Variants in ABCA9 observed in about 807,000 individuals in gnomAD.
The protein encoded by ABCA9 is ATP binding cassette subfamily A member 9, also known as ATP-binding cassette sub-family A member 9.
Under a neutral mutation model 205.3 loss-of-function variants are expected in ABCA9, and 183 were observed. That is an observed-to-expected ratio of 0.89 (90% CI 0.79 to 1.01). The LOEUF (loss-of-function observed/expected upper bound fraction) is 1.01, where lower values mean the gene tolerates loss of function less well. Ranked by LOEUF, ABCA9 falls within the 50% of genes least tolerant of loss-of-function variation. The probability of loss-of-function intolerance (pLI) is 0.00; values close to 1 mark genes in which losing one functional copy is unlikely to be tolerated. For synonymous variants in ABCA9, 651 were observed against 683.3 expected, an observed-to-expected ratio of 0.95 and a Z score of 0.74; for missense variants, 1,805 against 1,912.4, an observed-to-expected ratio of 0.94 and a Z score of 1.05.
At chr17:69,044,758 A>G (rs1872969446) in intron 4 of ABCA9, among the ~76,000 whole-genome samples, 158 bp from the exon 5 acceptor site, 1 of 152,214 alleles carries the variant, frequency 6.6e-6, no homozygotes, top group African/African-American at 2.4e-5. Flanking sequence ...AACGGAATAT[A>G]GCAGAATTAC....
chr17:68,995,011 C>CT (rs1292048282), intron 26 of ABCA9, among the ~76,000 whole-genome samples: 7 of 152,208 alleles, frequency 4.6e-5, no homozygotes, highest in Non-Finnish European at 8.8e-5. Context: ...ATCCTCCCCT[C>CT]ACATTTTCTA....
chr17:68,982,089 A>G (rs914463649), intron 37 of ABCA9, among the ~76,000 whole-genome samples: 9 of 152,230 alleles, frequency 5.9e-5, no homozygotes, highest in African/African-American at 2.2e-4. Context: ...CCTTATCTGC[A>G]TCTATCAATA....
At chr17:69,070,089 A>G in the ABCA9 span, among the ~76,000 whole-genome samples, 1 of 152,182 alleles carries the variant, frequency 6.6e-6, no homozygotes, top group African/African-American at 2.4e-5. Context: ...TTACATTTAT[A>G]AAGCACTAAT....
At chr17:68,991,674 T>C (rs941816480) in intron 28 of ABCA9, among the ~76,000 whole-genome samples, 6 of 152,208 alleles carry the variant, frequency 3.9e-5, no homozygotes, top group African/African-American at 1.4e-4. Flanking sequence ...TCAAGACACA[T>C]TGGTGTCTTG....
At chr17:69,020,262 TTC>T in intron 19 of ABCA9, 124 bp downstream of exon 19, 3 of 879,838 alleles carry the variant, frequency 3.4e-6, no homozygotes, top group South Asian at 2.0e-5. Context: ...AAAAAATGAT[TTC>T]TTTGTTTAAA....
intron 23 of ABCA9, among the ~76,000 whole-genome samples, chr17:69,010,987 T>C (rs2070351923): frequency 6.6e-6 from 1 of 152,140 alleles, no homozygotes; most frequent in South Asian, 2.1e-4. Flanking sequence ...CCACTGTACA[T>C]ATAGAAGTCA....
intron 37 of ABCA9, among the ~76,000 whole-genome samples, chr17:68,980,416 C>T (rs141253600): frequency 0.012 from 1,798 of 151,974 alleles, 48 homozygotes; most frequent in African/African-American, 0.039. Context: ...ACCATTTGAC[C>T]CAGCAATCTC....
chr17:68,986,239 G>C lies in ABCA9; in HGVS notation c.4133C>G (p.Thr1378Arg). 6.2e-7 allele frequency: 1 copy of C among 1,613,996 alleles called. No individual in the cohort carries two copies. The highest frequency in any genetic ancestry group is 8.5e-7 in the Non-Finnish European group (1 of 1,179,940). ...PQENALWPNL[T>R]VRQHLEVYAA... ...GTACACCTCCAGGTGCTGCCTCACT[G>C]TCAGGTTGGGCCACAGCGCATTCTC... The change falls in exon 32 of 39, where the codon ACA becomes AGA. Residue 1378 changes from threonine to arginine, a missense_variant. Transcript: ENST00000340001.
At chr17:69,041,729 T>TTATCTATCTATCTATCTATCTATC (rs4020779) in intron 6 of ABCA9, among the ~76,000 whole-genome samples, 83 of 149,462 alleles carry the variant, frequency 5.6e-4, no homozygotes, top group East Asian at 7.9e-4. Flanking sequence ...AAGAAAGAAA[T>TTATCTATCTATCTATCTATCTATC]TATCTATCTA....
intron 5 of ABCA9, 104 bp downstream of exon 5, chr17:69,044,393 C>T: frequency 2.1e-6 from 2 of 950,948 alleles, no homozygotes; most frequent in South Asian, 3.2e-5. Flanking sequence ...TATATTGTGC[C>T]TTATTAATGA....
intron 1 of ABCA9, chr17:69,051,441 G>T: frequency 3.4e-6 from 1 of 296,892 alleles, no homozygotes; most frequent in Non-Finnish European, 6.3e-6. Context: ...ATTGTCTAAT[G>T]GGGAGAAAGG....
intron 23 of ABCA9, 67 bp downstream of exon 23, chr17:69,011,909 T>A: frequency 1.0e-6 from 1 of 993,260 alleles, no homozygotes; most frequent in Non-Finnish European, 1.4e-6. Flanking sequence ...TGTAAATTTA[T>A]AGTCGTAAGG....
rs756170862 is a variant in ABCA9 at position 68,989,813 on chromosome 17, C to CT, written c.3954dup (p.Gly1319ArgfsTer2). The CT allele has an allele frequency of 1.5e-5, 24 of 1,558,538 alleles. No homozygotes were observed. The highest frequency in any genetic ancestry group is 2.2e-5 in the South Asian group (2 of 88,984). On this transcript the variant is annotated frameshift_variant and splice_region_variant, in exon 30 of 39. Transcript: ENST00000340001. LOFTEE classifies it high-confidence loss of function. ...TACTAATGGAACTACTGTTTCCAAC[C>CT]TTTTTTAACACAAAAAGAGACATTT...
chr17:69,065,088 G>A (rs1301993901), upstream of ABCA9, among the ~76,000 whole-genome samples: 1 of 152,082 alleles, frequency 6.6e-6, no homozygotes, highest in East Asian at 1.9e-4. Context: ...GACATCTTAG[G>A]GTTTTCTCTT....
At chr17:69,057,059 C>G (rs781371002) in intron 1 of ABCA9, among the ~76,000 whole-genome samples, 3 of 152,086 alleles carry the variant, frequency 2.0e-5, no homozygotes, top group Non-Finnish European at 4.4e-5. Context: ...GTATTATAGA[C>G]AAACTTTATT....
At chr17:69,050,343 AAC>A (rs58213498) in intron 2 of ABCA9, among the ~76,000 whole-genome samples, 60,750 of 147,558 alleles carry the variant, frequency 0.41, 13,793 homozygotes, top group Non-Finnish European at 0.53. Flanking sequence ...CACACACACG[AAC>A]ACACACACAC....
chr17:69,056,469 AAACAATCTGAATT>A (rs2072072423), intron 1 of ABCA9, among the ~76,000 whole-genome samples: 1 of 152,200 alleles, frequency 6.6e-6, no homozygotes, highest in Non-Finnish European at 1.5e-5. Context: ...ACACAAGAAT[AAACAATCTGAATT>A]AACCTTTATC....
chr17:69,059,603 CACTTCTA>C (rs1369035362), intron 1 of ABCA9, among the ~76,000 whole-genome samples: 2 of 152,004 alleles, frequency 1.3e-5, no homozygotes, highest in Admixed American at 1.3e-4. Flanking sequence ...AACCACATCA[CACTTCTA>C]ACCCCCAGAG....
chr17:69,001,596 T>C (rs2069872479), intron 25 of ABCA9, among the ~76,000 whole-genome samples: 2 of 151,826 alleles, frequency 1.3e-5, no homozygotes, highest in Admixed American at 6.6e-5. Flanking sequence ...GTTGTGTCTC[T>C]GCCCGGCTTT....
Sources: gnomAD v4.1 joint callset for allele counts (sites outside exome capture counted in the v4.1 genomes callset) on GRCh38, gnomAD v4.1.1 for gene constraint, MANE v1.5 for transcripts, NCBI Gene and HGNC (gene_info 2026-07-23, HGNC 2026-07-21) for gene names.